Variants in STMN4 observed in about 807,000 individuals in gnomAD.
STMN4 encodes stathmin-4.
Under a neutral mutation model 29.1 loss-of-function variants are expected in STMN4, and 12 were observed. The observed-to-expected ratio is 0.41, with a 90% CI of 0.26 to 0.67. STMN4 has a LOEUF of 0.67. Among genes scored for constraint, STMN4 ranks in the 30% least tolerant of loss-of-function variants. The probability of loss-of-function intolerance (pLI) is 0.30; values close to 1 mark genes in which losing one functional copy is unlikely to be tolerated. For synonymous variants in STMN4, 114 were observed against 105.3 expected (o/e 1.08, Z -0.51); for missense variants, 181 against 262.8 (o/e 0.69, Z 2.15).
intron 1 of STMN4, among the ~76,000 whole-genome samples, chr8:27,256,894 C>T (rs73563950): frequency 0.01 from 1,560 of 152,234 alleles, 16 homozygotes; most frequent in Middle Eastern, 0.054. Flanking sequence ...GGAACTCACT[C>T]CCTACAGGGC....
At chr8:27,254,168 T>C (rs1801871945) in intron 1 of STMN4, among the ~76,000 whole-genome samples, 1 of 152,136 alleles carries the variant, frequency 6.6e-6, no homozygotes, top group Non-Finnish European at 1.5e-5. Flanking sequence ...AATAGTTGAA[T>C]TGTGTTTGTG....
intron 1 of STMN4, among the ~76,000 whole-genome samples, chr8:27,248,648 T>C (rs956090127): frequency 6.6e-6 from 1 of 152,196 alleles, no homozygotes; most frequent in African/African-American, 2.4e-5. Flanking sequence ...ACGGCTGTTA[T>C]CTCATTTTTC....
In STMN4 at chr8:27,241,539, C is replaced by A. The variant is rs984607687; in HGVS notation, c.190+138G>T. ...GCTGCTTTTGCCTTTGCTTCCCCCA[C>A]CAGCCTCCTCTGACTGCTGAGCTGC... On this transcript the variant is annotated intron_variant, in intron 4 of 6. Coordinates refer to ENST00000350889, the MANE Select transcript of STMN4 (RefSeq NM_030795.4). The A allele has an allele frequency of 8.9e-6, 10 of 1,125,510 alleles. No homozygotes were observed. In the African/African-American group the frequency reaches 1.5e-4, roughly 17 times the overall value. 69.7% of individuals were successfully genotyped at this position (1,125,510 alleles called of 1,614,324 possible). A position where few individuals can be genotyped will look rare whatever the true frequency, so the allele number is the denominator to read the frequency against.
At chr8:27,237,257 G>A (rs1304729030) in intron 6 of STMN4, among the ~76,000 whole-genome samples, 1 of 152,158 alleles carries the variant, frequency 6.6e-6, no homozygotes, top group African/African-American at 2.4e-5. Flanking sequence ...GCTGCTGGGG[G>A]TAATTTGTGC....
At chr8:27,251,238 G>A (rs1162980165) in intron 1 of STMN4, among the ~76,000 whole-genome samples, 1 of 151,492 alleles carries the variant, frequency 6.6e-6, no homozygotes, top group Admixed American at 6.6e-5. Flanking sequence ...GGGTGAAAGA[G>A]TGAGACTTCA....
intron 1 of STMN4, among the ~76,000 whole-genome samples, chr8:27,248,038 C>A (rs1801678607): frequency 1.3e-5 from 2 of 152,146 alleles, no homozygotes; most frequent in Admixed American, 1.3e-4. Context: ...AGTCATTCAG[C>A]CAATATCCAG....
At chr8:27,238,041 C>A (rs557958305) in intron 6 of STMN4, among the ~76,000 whole-genome samples, 1 of 152,258 alleles carries the variant, frequency 6.6e-6, no homozygotes, top group African/African-American at 2.4e-5. Flanking sequence ...AAACTATAAA[C>A]TACGAATCTG....
rs117845949 is a variant in STMN4, at chr8:27,239,491, C to T, written c.591+480G>A. 872 of 678,122 alleles carry T rather than the reference C, an allele frequency of 1.3e-3. 8 individuals are homozygous for T. In the East Asian group the frequency reaches 0.018, roughly 14 times the overall value. 42.0% of individuals were successfully genotyped at this position (678,122 alleles called of 1,614,324 possible). A position where few individuals can be genotyped will look rare whatever the true frequency, so the allele number is the denominator to read the frequency against. On this transcript the variant is annotated intron_variant, in intron 6 of 6. Coordinates refer to ENST00000350889, the MANE Select transcript of STMN4 (RefSeq NM_030795.4). Reference sequence around the variant, plus strand: ...GGCAACATATTGGAAAGACCTGTGACTCACTGGGTCTGTGTCAAGAGGTTT... The same window carrying T: ...GGCAACATATTGGAAAGACCTGTGATTCACTGGGTCTGTGTCAAGAGGTTT...
At chr8:27,239,455 T>C (rs1801401602) in intron 6 of STMN4, 1 of 744,414 alleles carries the variant, frequency 1.3e-6, no homozygotes, top group Non-Finnish European at 2.1e-6. Flanking sequence ...CCGTTCCATT[T>C]ATTGACAAAA....
chr8:27,243,289 G>C (rs1184118585), intron 2 of STMN4, among the ~76,000 whole-genome samples: 2 of 152,238 alleles, frequency 1.3e-5, no homozygotes, highest in Admixed American at 6.5e-5. Context: ...GCCCAGGCTG[G>C]ACTCAAACTC....
intron 1 of STMN4, among the ~76,000 whole-genome samples, chr8:27,244,082 G>A (rs1306529056): frequency 6.6e-6 from 1 of 152,164 alleles, no homozygotes; most frequent in Non-Finnish European, 1.5e-5. Context: ...AAAAACGTAT[G>A]GATCAAGGGG....
chr8:27,236,255 A>T lies in STMN4; in HGVS notation c.*591T>A, dbSNP rs2130027549. 1 of 152,484 alleles carries T rather than the reference A, an allele frequency of 6.6e-6. No homozygotes were observed. The highest frequency in any genetic ancestry group is 2.4e-5 in the African/African-American group (1 of 41,580). The allele number at this position is 152,484 out of a possible 1,614,324, so 9.4% of individuals were successfully genotyped here. ...AGCCAGGTTTCGAGAACTTTTTAAC[A>T]ATTACCCAAAGGACACATTTGGGAA... is the stretch of plus-strand genomic sequence containing the variant. On this transcript the variant is annotated 3_prime_UTR_variant, in exon 7 of 7. Transcript: ENST00000350889.
At position 27,242,454 on chromosome 8, in the gene STMN4, A is replaced by G; in HGVS notation, c.52T>C (p.Leu18=). 1 of 1,614,194 alleles carries G rather than the reference A, an allele frequency of 6.2e-7. No homozygotes were observed. The highest frequency in any genetic ancestry group is 8.5e-7 in the Non-Finnish European group (1 of 1,180,020). ...EKMKELPLVS[L]FCSCFLADPL... ...TCGGCCAGGAAGCAGGAGCAGAACA[A>G]GGACACCAGCGGGAGCTCCTTCATC... The change falls in exon 3 of 7, where the codon TTG becomes CTG. Residue 18 remains leucine, a synonymous_variant. Coordinates refer to ENST00000350889, the MANE Select transcript of STMN4 (RefSeq NM_030795.4).
intron 4 of STMN4, among the ~76,000 whole-genome samples, 180 bp downstream of exon 4, chr8:27,241,497 G>C (rs1801470867): frequency 6.6e-6 from 1 of 152,204 alleles, no homozygotes; most frequent in Admixed American, 6.5e-5. Context: ...CAGGCAATGT[G>C]ATTTCCTACG....
At chr8:27,240,260 A>C (rs1586004799) in intron 5 of STMN4, 98 bp from the exon 6 acceptor site, 1 of 1,347,528 alleles carries the variant, frequency 7.4e-7, no homozygotes, top group Admixed American at 2.4e-5. Flanking sequence ...CAGAACACTC[A>C]CCTCCCTGGG....
chr8:27,249,326 A>C (rs1211521696), intron 1 of STMN4, among the ~76,000 whole-genome samples: 1 of 151,996 alleles, frequency 6.6e-6, no homozygotes, highest in African/African-American at 2.4e-5. Context: ...ATGGTTCTCG[A>C]CTCAGTGCAG....
At chr8:27,253,151 A>G (rs1369157343) in intron 1 of STMN4, among the ~76,000 whole-genome samples, 1 of 152,196 alleles carries the variant, frequency 6.6e-6, no homozygotes, top group Non-Finnish European at 1.5e-5. Context: ...AAGGAGCCCA[A>G]GAAGTGCCTT....
intron 1 of STMN4, among the ~76,000 whole-genome samples, chr8:27,254,642 T>G (rs1357364942): frequency 6.4e-3 from 368 of 57,650 alleles, no homozygotes; most frequent in Middle Eastern, 0.014. Flanking sequence ...GTGTAGGGGG[T>G]GGGGTGGGAG....
Position 27,236,748 on chromosome 8 carries a change from C to A in STMN4, c.*98G>T. 2.0e-4 allele frequency: 211 copies of A among 1,071,918 alleles called. No individual in the cohort carries two copies. The highest frequency in any genetic ancestry group is 9.7e-4 in the Middle Eastern group (3 of 3,086). The allele number at this position is 1,071,918 out of a possible 1,614,324, so 66.4% of individuals were successfully genotyped here. A position where few individuals can be genotyped will look rare whatever the true frequency, so the allele number is the denominator to read the frequency against. On this transcript the variant is annotated 3_prime_UTR_variant, in exon 7 of 7. Transcript: ENST00000350889. ...CCTTGGCCACCCCCCTCCCCCCAAA[C>A]CCCAGTGCTGGGAGCGCAGCCGGCG...
Sources: allele counts gnomAD v4.1 joint callset (sites outside exome capture counted in the v4.1 genomes callset), GRCh38; gene constraint gnomAD v4.1.1; transcripts MANE v1.5; gene names NCBI Gene and HGNC (gene_info 2026-07-23, HGNC 2026-07-21).